Variants in KCNK2 observed in about 807,000 individuals in gnomAD.
KCNK2 encodes the protein potassium two pore domain channel subfamily K member 2.
KCNK2 carries 21 observed loss-of-function variants against 40.5 expected under a neutral mutation model. That is an observed-to-expected ratio of 0.52 (90% confidence interval 0.37 to 0.75). The LOEUF (loss-of-function observed/expected upper bound fraction) is 0.75, where lower values mean the gene tolerates loss of function less well. Among genes scored for constraint, KCNK2 ranks in the 30% least tolerant of loss-of-function variants. The pLI, the probability that KCNK2 is intolerant of heterozygous loss-of-function variation, is 0.00. For synonymous variants in KCNK2, 191 were observed against 202.2 expected (o/e 0.94, Z 0.47); for missense variants, 399 against 531.6 (o/e 0.75, Z 2.45).
chr1:215,104,702 G>T (rs1288229169), intron 2 of KCNK2, among the ~76,000 whole-genome samples: 1 of 152,024 alleles, frequency 6.6e-6, no homozygotes, highest in African/African-American at 2.4e-5. Flanking sequence ...CAAATTAATG[G>T]ATCATAAATA....
At chr1:215,026,960 T>A (rs10864143) in intron 1 of KCNK2, among the ~76,000 whole-genome samples, 44,330 of 151,938 alleles carry the variant, frequency 0.29, 6,730 homozygotes, top group South Asian at 0.53. Flanking sequence ...ACAGGATTTA[T>A]AGCTTTCATG....
intron 2 of KCNK2, among the ~76,000 whole-genome samples, chr1:215,123,589 G>A (rs919624643): frequency 6.6e-6 from 1 of 152,046 alleles, no homozygotes; most frequent in African/African-American, 2.4e-5. Flanking sequence ...TCTTTTTCAT[G>A]TGCCTGTGAC....
chr1:215,173,139 G>A (rs1257116210), intron 5 of KCNK2, among the ~76,000 whole-genome samples: 1 of 151,938 alleles, frequency 6.6e-6, no homozygotes, highest in Non-Finnish European at 1.5e-5. Flanking sequence ...CCCACAACAG[G>A]CCCTGGTGTG....
At chr1:215,064,930 A>AT (rs1658486623) in intron 1 of KCNK2, among the ~76,000 whole-genome samples, 1 of 152,078 alleles carries the variant, frequency 6.6e-6, no homozygotes, top group African/African-American at 2.4e-5. Flanking sequence ...ATGTCACAGT[A>AT]TTGTGTTAAA....
chr1:215,184,589 G>A (rs966214115), intron 5 of KCNK2, among the ~76,000 whole-genome samples: 2 of 152,130 alleles, frequency 1.3e-5, no homozygotes, highest in African/African-American at 2.4e-5. Flanking sequence ...AGCAAAAGGG[G>A]AAGCAAACAT....
In KCNK2 at chr1:215,172,090, A is replaced by G. The variant is rs549058167; in HGVS notation, c.730A>G (p.Ile244Val). ...ACTCTTTGTGGCTCTGCCTGCGATC[A>G]TATTCAAACACATAGAAGGCTGGAG... ...CVLFVALPAI[I>V]FKHIEGWSAL... The change falls in exon 5 of 7, where the codon ATA becomes GTA. Residue 244 changes from isoleucine (I) to valine (V), a missense_variant. This residue lies in a region of KCNK2 where 279 missense variants were observed against 353.8 expected (regional missense o/e 0.79). Transcript: ENST00000444842. 2 of 1,613,536 alleles carry G rather than the reference A, an allele frequency of 1.2e-6. No individual in the cohort carries two copies. Among genetic ancestry groups the G allele is most frequent in the Non-Finnish European group, 1.7e-6 (2 of 1,179,646 alleles).
chr1:215,038,910 ATATGT>A (rs969980589), intron 1 of KCNK2, among the ~76,000 whole-genome samples: 3 of 151,974 alleles, frequency 2.0e-5, no homozygotes, highest in African/African-American at 7.3e-5. Flanking sequence ...TGGTTTATCA[ATATGT>A]TATGATCATT....
chr1:215,205,664 GT>G (rs1665287589), intron 6 of KCNK2, among the ~76,000 whole-genome samples: 1 of 152,122 alleles, frequency 6.6e-6, no homozygotes, highest in Non-Finnish European at 1.5e-5. Context: ...AATGAGCAGA[GT>G]CCCCTGCTGA....
chr1:215,072,718 A>G (rs1164037530), intron 1 of KCNK2, among the ~76,000 whole-genome samples: 6 of 152,208 alleles, frequency 3.9e-5, no homozygotes, highest in Non-Finnish European at 1.5e-5. Context: ...CATCCTTACA[A>G]TATACCTCTT....
intron 3 of KCNK2, among the ~76,000 whole-genome samples, chr1:215,163,222 CTCTG>C (rs775691407): frequency 1.3e-4 from 20 of 152,074 alleles, no homozygotes; most frequent in Admixed American, 5.9e-4. Flanking sequence ...TGATTTGGCT[CTCTG>C]TCTATTATTG....
At chr1:215,207,095 A>T (rs1457802021) in intron 6 of KCNK2, among the ~76,000 whole-genome samples, 4 of 152,180 alleles carry the variant, frequency 2.6e-5, no homozygotes, top group Admixed American at 2.6e-4. Context: ...ATGATAATGT[A>T]TGTGCAAACA....
intron 2 of KCNK2, among the ~76,000 whole-genome samples, chr1:215,111,948 T>TTTTTTTTTTTTTTTTGAG (rs1320159445): frequency 6.6e-6 from 1 of 150,778 alleles, no homozygotes; most frequent in African/African-American, 2.5e-5. Context: ...AAATCTTTTT[T>TTTTTTTTTTTTTTTTGAG]ATAGTTGTGC....
At chr1:215,191,493 T>C (rs537807762) in intron 5 of KCNK2, among the ~76,000 whole-genome samples, 18 of 152,180 alleles carry the variant, frequency 1.2e-4, no homozygotes, top group African/African-American at 3.9e-4. Flanking sequence ...CTGAGCTATA[T>C]TTTTTGTAGT....
chr1:215,140,061 T>C (rs1662108136), intron 3 of KCNK2, among the ~76,000 whole-genome samples: 1 of 152,122 alleles, frequency 6.6e-6, no homozygotes, highest in Non-Finnish European at 1.5e-5. Context: ...TGTTATAAAT[T>C]TGAGTTTGCT....
rs754530200 is a variant in KCNK2, at chr1:215,084,182, G to GCGCACACA, written c.46+752_46+753insGCACACAC. Among the ~76,000 whole-genome samples, 4 of 141,862 alleles carry GCGCACACA rather than the reference G, an allele frequency of 2.8e-5. No individual in the cohort carries two copies. In the Admixed American group the frequency reaches 2.8e-4, roughly 10 times the overall value. 93.1% of individuals were successfully genotyped at this position (141,862 alleles called of 152,430 possible). ...CCTTCTGGAAATGTATTAGGTTAAT[G>GCGCACACA]CACACACACACACACACACACACAC... On this transcript the variant is annotated intron_variant, in intron 1 of 6. Coordinates refer to ENST00000444842, the MANE Select transcript of KCNK2 (RefSeq NM_001017425.3).
intron 1 of KCNK2, among the ~76,000 whole-genome samples, chr1:215,007,023 A>ATGTGTGTGTGTGTGTGTGTGTG (rs1436577962): frequency 1.9e-4 from 5 of 25,858 alleles, no homozygotes; most frequent in Admixed American, 1.5e-3. Flanking sequence ...ATATATATAT[A>ATGTGTGTGTGTGTGTGTGTGTG]TATATATATA....
At chr1:215,068,531 C>G (rs1313296300) in intron 1 of KCNK2, among the ~76,000 whole-genome samples, 1 of 152,022 alleles carries the variant, frequency 6.6e-6, no homozygotes, top group Non-Finnish European at 1.5e-5. Context: ...CAAAAAGACA[C>G]CAAAAAACTT....
chr1:215,090,359 G>C (rs867489906), intron 2 of KCNK2, among the ~76,000 whole-genome samples: 1 of 151,776 alleles, frequency 6.6e-6, no homozygotes, highest in African/African-American at 2.4e-5. Flanking sequence ...CAAATGTTTG[G>C]ATAAACTCTA....
intron 2 of KCNK2, among the ~76,000 whole-genome samples, chr1:215,093,531 A>G (rs1246271249): frequency 6.2e-5 from 7 of 113,728 alleles, no homozygotes; most frequent in African/African-American, 2.5e-4. Flanking sequence ...TATATAATAT[A>G]GAATATATAT....
Sources: gnomAD v4.1 joint callset for allele counts (sites outside exome capture counted in the v4.1 genomes callset) on GRCh38, gnomAD v4.1.1 for gene constraint, gnomAD v4.1.1 regional missense constraint, MANE v1.5 for transcripts, NCBI Gene and HGNC (gene_info 2026-07-23, HGNC 2026-07-21) for gene names.